Variants in RELL2 observed in about 807,000 individuals in gnomAD.
RELL2 encodes the protein RELT-like protein 2.
A neutral mutation model predicts 27.5 loss-of-function variants in RELL2; 18 were observed. The observed-to-expected ratio is 0.65, with a 90% CI of 0.45 to 0.97. The LOEUF (loss-of-function observed/expected upper bound fraction) is 0.97. Ranked by LOEUF, RELL2 falls within the 50% of genes least tolerant of loss-of-function variation. The pLI is 0.00. For missense variants in RELL2, 370 were observed against 397.5 expected (o/e 0.93, Z 0.59); for synonymous variants, 156 against 147.5 (o/e 1.06, Z -0.42).
chr5:141,639,880 G>A lies in RELL2; in HGVS notation c.504-40G>A. On this transcript the variant is annotated intron_variant, in intron 4 of 6. Coordinates refer to ENST00000297164, the MANE Select transcript of RELL2 (RefSeq NM_173828.5). This position sits in a 1 kb window ranked among gnomAD's most constrained non-coding sequence, Gnocchi z 4.4. Reference sequence around the variant, plus strand: ...CAGAGGGGAGGGCCAAGCAGCCTCTGAGTTGTGGTCCTAAACCCCAGTGTT... The same window carrying A: ...CAGAGGGGAGGGCCAAGCAGCCTCTAAGTTGTGGTCCTAAACCCCAGTGTT... 6.2e-7 allele frequency: 1 copy of A among 1,607,938 alleles called. No individual in the cohort carries two copies. Among genetic ancestry groups the A allele is most frequent in the Non-Finnish European group, 8.5e-7 (1 of 1,175,570 alleles).
At position 141,638,176 on chromosome 5, in the gene RELL2, C is replaced by A. The variant is rs1188427010; in HGVS notation, c.-50C>A. On this transcript the variant is annotated 5_prime_UTR_variant, in exon 1 of 7. Coordinates refer to ENST00000297164, the MANE Select transcript of RELL2 (RefSeq NM_173828.5). ...ACCCCTCCCCCATTCCCAGCTGCAGCCCCCTAAACCCAGGAGGCGCCCTGG... is the reference window on the plus strand; with the variant it reads ...ACCCCTCCCCCATTCCCAGCTGCAGACCCCTAAACCCAGGAGGCGCCCTGG... 9.7e-6 allele frequency: 13 copies of A among 1,334,660 alleles called. No individual in the cohort carries two copies. Among genetic ancestry groups the A allele is most frequent in the Non-Finnish European group, 1.3e-5 (12 of 953,850 alleles). 82.7% of individuals were successfully genotyped at this position (1,334,660 alleles called of 1,614,324 possible).
intron 5 of RELL2, 31 bp downstream of exon 5, chr5:141,640,326 C>T: frequency 6.2e-7 from 1 of 1,613,968 alleles, no homozygotes; most frequent in Non-Finnish European, 8.5e-7. Flanking sequence ...CTGCACTGGG[C>T]TGGGCTCTTA....
Position 141,639,712 on chromosome 5 carries a change from T to G in RELL2, c.503+63T>G. ...GGGGGCCCAGTGATCAGGCACCTGATCCCAAAAGTGGGCCTTGGCTCTTTC... is the reference window on the plus strand; with the variant it reads ...GGGGGCCCAGTGATCAGGCACCTGAGCCCAAAAGTGGGCCTTGGCTCTTTC... On this transcript the variant is annotated intron_variant, in intron 4 of 6. Coordinates refer to ENST00000297164, the MANE Select transcript of RELL2 (RefSeq NM_173828.5). The surrounding 1 kb of genome is among the most constrained non-coding windows in gnomAD (Gnocchi z 4.4). The G allele has an allele frequency of 6.7e-7, 1 of 1,492,028 alleles. No individual in the cohort carries two copies. Among genetic ancestry groups the G allele is most frequent in the Admixed American group, 2.0e-5 (1 of 49,404 alleles). 92.4% of individuals were successfully genotyped at this position (1,492,028 alleles called of 1,614,324 possible). A position where few individuals can be genotyped will look rare whatever the true frequency, so the allele number is the denominator to read the frequency against.
rs1472017213 is a variant in RELL2, at chr5:141,640,082, G to T, written c.666G>T (p.Leu222=). 2 of 1,613,368 alleles carry T rather than the reference G, an allele frequency of 1.2e-6. No individual in the cohort carries two copies. The highest frequency in any genetic ancestry group is 2.7e-5 in the African/African-American group (2 of 74,898). Reference sequence around the variant, plus strand: ...CAGGGATGCCTGCCATGGAGAGGCTGCCCCCTGAGAGGCCACAGCCCCAGG... The same window carrying T: ...CAGGGATGCCTGCCATGGAGAGGCTTCCCCCTGAGAGGCCACAGCCCCAGG... ...PKAGMPAMER[L]PPERPQPQVL... The change falls in exon 5 of 7, where the codon CTG becomes CTT. Residue 222 remains leucine (L), a synonymous_variant. Coordinates refer to ENST00000297164, the MANE Select transcript of RELL2 (RefSeq NM_173828.5).
intron 6 of RELL2, 57 bp downstream of exon 6, chr5:141,640,502 CTATT>C: frequency 1.2e-6 from 2 of 1,613,792 alleles, no homozygotes; most frequent in Non-Finnish European, 1.7e-6. Flanking sequence ...CCTACTTAAA[CTATT>C]TAAGCCTTTC....
Position 141,640,150 on chromosome 5 carries a change from G to A in RELL2, c.734G>A (p.Ser245Asn), listed in dbSNP as rs769418606. The A allele has an allele frequency of 1.2e-6, 2 of 1,614,166 alleles. No homozygotes were observed. The change falls in exon 5 of 7, where the codon AGC becomes AAC. Residue 245 changes from serine (S) to asparagine (N), a missense_variant. Transcript: ENST00000297164. ...GTACAGAATGGAGGACTCAGGGACA[G>A]CAGCCTAACCCCTCGTGCACTTGAA... ...PPVQNGGLRD[S>N]SLTPRALEGN...
At position 141,640,932 on chromosome 5, in the gene RELL2, C is replaced by T. The variant is rs1478327775; in HGVS notation, c.*263C>T. On this transcript the variant is annotated 3_prime_UTR_variant, in exon 7 of 7. Transcript: ENST00000297164. The stretch of plus-strand genomic sequence containing the variant: ...TATGATAGAGCGTGGCAGCTGGGAG[C>T]AGGCCCCTGCCCGTGGTGGGCCCCT... 3.8e-6 allele frequency: 2 copies of T among 524,554 alleles called. No individual in the cohort carries two copies. The highest frequency in any genetic ancestry group is 3.5e-5 in the Admixed American group (1 of 28,864). 32.5% of individuals were successfully genotyped at this position (524,554 alleles called of 1,614,324 possible).
chr5:141,638,509 C>A (rs1303486621), intron 1 of RELL2, 100 bp downstream of exon 1: 35 of 1,167,546 alleles, frequency 3.0e-5, no homozygotes, highest in African/African-American at 4.6e-5. Flanking sequence ...CCTGATCAAA[C>A]CTGCTCAGGA....
At position 141,640,451 on chromosome 5, in the gene RELL2, T is replaced by G; in HGVS notation, c.*1+6T>G. The stretch of plus-strand genomic sequence containing the variant: ...GGGAGCAGGGAGTATGTGAGGTGAG[T>G]CTGCCTGAGCCCTAAATGAGGTAAT... On this transcript the variant is annotated splice_donor_region_variant and intron_variant, in intron 6 of 6. Transcript: ENST00000297164. 2 of 1,614,082 alleles carry G rather than the reference T, an allele frequency of 1.2e-6. No homozygotes were observed. The highest frequency in any genetic ancestry group is 1.7e-6 in the Non-Finnish European group (2 of 1,179,984).
At position 141,638,878 on chromosome 5, in the gene RELL2, C is replaced by G. The variant is rs752915840; in HGVS notation, c.250+18C>G. 5 of 1,613,508 alleles carry G rather than the reference C, an allele frequency of 3.1e-6. No individual in the cohort carries two copies. The highest frequency in any genetic ancestry group is 1.1e-5 in the South Asian group (1 of 91,072). On this transcript the variant is annotated intron_variant, in intron 2 of 6. Transcript: ENST00000297164. Reference sequence around the variant, plus strand: ...GAATGAAGGTGGGTCTAGCATAGCCCCTTGCTCCCTCTTCTCCAACCTTCT... The same window carrying G: ...GAATGAAGGTGGGTCTAGCATAGCCGCTTGCTCCCTCTTCTCCAACCTTCT...
Position 141,640,396 on chromosome 5 carries a change from C to T in RELL2, c.880-16C>T, listed in dbSNP as rs1223156625. On this transcript the variant is annotated splice_polypyrimidine_tract_variant and intron_variant, in intron 5 of 6. Coordinates refer to ENST00000297164, the MANE Select transcript of RELL2 (RefSeq NM_173828.5). ...ACTCCTGGTCTCTCATTGTTGACCCCTCCCCTTTCTCTCAGGTGTCTCTAC... is the reference window on the plus strand; with the variant it reads ...ACTCCTGGTCTCTCATTGTTGACCCTTCCCCTTTCTCTCAGGTGTCTCTAC... 18 of 1,614,058 alleles carry T rather than the reference C, an allele frequency of 1.1e-5. No individual in the cohort carries two copies. Among genetic ancestry groups the T allele is most frequent in the Non-Finnish European group, 1.4e-5 (17 of 1,180,020 alleles).
At chr5:141,638,894 C>T in intron 2 of RELL2, 34 bp downstream of exon 2, 1 of 1,613,148 alleles carries the variant, frequency 6.2e-7, no homozygotes, top group Non-Finnish European at 8.5e-7. Flanking sequence ...TCCCTCTTCT[C>T]CAACCTTCTC....
At position 141,640,076 on chromosome 5, in the gene RELL2, G is replaced by A. The variant is rs951129844; in HGVS notation, c.660G>A (p.Glu220=). ...CCAAGGCAGGGATGCCTGCCATGGAGAGGCTGCCCCCTGAGAGGCCACAGC... is the reference window on the plus strand; with the variant it reads ...CCAAGGCAGGGATGCCTGCCATGGAAAGGCTGCCCCCTGAGAGGCCACAGC... The part of the protein sequence containing the change: ...GQPKAGMPAM[E]RLPPERPQPQ... The change falls in exon 5 of 7, where the codon GAG becomes GAA. Residue 220 remains glutamate, a synonymous_variant. Coordinates refer to ENST00000297164, the MANE Select transcript of RELL2 (RefSeq NM_173828.5). 6.2e-7 allele frequency: 1 copy of A among 1,613,640 alleles called. No individual in the cohort carries two copies. The highest frequency in any genetic ancestry group is 8.5e-7 in the Non-Finnish European group (1 of 1,179,802).
In RELL2 at chr5:141,640,070, C is replaced by T; in HGVS notation, c.654C>T (p.Ala218=). ...GGGQPKAGMP[A]MERLPPERPQ... is the part of the protein sequence containing the mutation. The stretch of plus-strand genomic sequence containing the variant: ...GGCAGCCCAAGGCAGGGATGCCTGC[C>T]ATGGAGAGGCTGCCCCCTGAGAGGC... The change falls in exon 5 of 7, where the codon GCC becomes GCT. Residue 218 remains alanine, a synonymous_variant. Transcript: ENST00000297164. The T allele has an allele frequency of 1.5e-5, 24 of 1,613,570 alleles. No homozygotes were observed. Among genetic ancestry groups the T allele is most frequent in the Non-Finnish European group, 2.0e-5 (24 of 1,179,792 alleles).
In RELL2 at chr5:141,637,094, A is replaced by G. The variant is rs981121183; in HGVS notation, c.-1132A>G. 1.9e-5 allele frequency: 6 copies of G among 308,106 alleles called. No homozygotes were observed. In the Admixed American group the frequency reaches 3.1e-4, roughly 16 times the overall value. 19.1% of individuals were successfully genotyped at this position (308,106 alleles called of 1,614,324 possible). On this transcript the variant is annotated 5_prime_UTR_variant, in exon 1 of 7. Transcript: ENST00000297164. Reference sequence around the variant, plus strand: ...GGTCAGATCCTCGGGAAGCCGAGCCATCCCATCCAGCCGCTTGCCCCAAAC... The same window carrying G: ...GGTCAGATCCTCGGGAAGCCGAGCCGTCCCATCCAGCCGCTTGCCCCAAAC...
Position 141,639,133 on chromosome 5 carries a change from A to T in RELL2, c.317+112A>T. On this transcript the variant is annotated intron_variant, in intron 3 of 6. Coordinates refer to ENST00000297164, the MANE Select transcript of RELL2 (RefSeq NM_173828.5). The surrounding 1 kb of genome is among the most constrained non-coding windows in gnomAD (Gnocchi z 4.4). ...ATGTATGGGGTTGGGGGAAGGGCAAAGCTGGCTAACTTATAGGAAGAAAGT... is the reference window on the plus strand; with the variant it reads ...ATGTATGGGGTTGGGGGAAGGGCAATGCTGGCTAACTTATAGGAAGAAAGT... 1.1e-6 allele frequency: 1 copy of T among 899,936 alleles called. No homozygotes were observed. The highest frequency in any genetic ancestry group is 1.7e-6 in the Non-Finnish European group (1 of 591,396). 55.7% of individuals were successfully genotyped at this position (899,936 alleles called of 1,614,324 possible).
At position 141,638,211 on chromosome 5, in the gene RELL2, G is replaced by GC. The variant is rs753172373; in HGVS notation, c.-9dup. 6 of 1,598,494 alleles carry GC rather than the reference G, an allele frequency of 3.8e-6. No individual in the cohort carries two copies. Among genetic ancestry groups the GC allele is most frequent in the Non-Finnish European group, 4.3e-6 (5 of 1,172,542 alleles). ...CCAGGAGGCGCCCTGGCCCGCGCTC[G>GC]CCCCCCAGGGCCTCATGTCGGAACC... On this transcript the variant is annotated 5_prime_UTR_variant, in exon 1 of 7. Coordinates refer to ENST00000297164, the MANE Select transcript of RELL2 (RefSeq NM_173828.5).
At position 141,640,665 on chromosome 5, in the gene RELL2, T is replaced by TC; in HGVS notation, c.*2-4dup. Reference sequence around the variant, plus strand: ...AGCAACAGTGTTATTCTTCCTCTTCTCCAAGTCTCCTTCATTGTGCTGATG... The same window carrying TC: ...AGCAACAGTGTTATTCTTCCTCTTCTCCCAAGTCTCCTTCATTGTGCTGATG... On this transcript the variant is annotated splice_region_variant and splice_polypyrimidine_tract_variant and intron_variant, in intron 6 of 6. Coordinates refer to ENST00000297164, the MANE Select transcript of RELL2 (RefSeq NM_173828.5). 5 of 1,535,980 alleles carry TC rather than the reference T, an allele frequency of 3.3e-6. No individual in the cohort carries two copies. Among genetic ancestry groups the TC allele is most frequent in the Non-Finnish European group, 4.4e-6 (5 of 1,146,472 alleles).
At position 141,639,858 on chromosome 5, in the gene RELL2, AG is replaced by A; in HGVS notation, c.504-58del. ...CCAAACTCAGGATGTCCCTGGTCAG[AG>A]GGGAGGGCCAAGCAGCCTCTGAGTT... On this transcript the variant is annotated intron_variant, in intron 4 of 6. Transcript: ENST00000297164. This position sits in a 1 kb window ranked among gnomAD's most constrained non-coding sequence, Gnocchi z 4.4. 6.4e-7 allele frequency: 1 copy of A among 1,563,156 alleles called. No individual in the cohort carries two copies.
Sources: allele counts gnomAD v4.1 joint callset, GRCh38; gene constraint gnomAD v4.1.1; non-coding constraint Gnocchi (gnomAD v3.1); transcripts MANE v1.5; gene names NCBI Gene and HGNC (gene_info 2026-07-23, HGNC 2026-07-21).